DNAAF9: variants seen among roughly 807,000 people sequenced by gnomAD.
DNAAF9 encodes the protein shulin.
In DNAAF9, 90 loss-of-function variants were observed where a neutral mutation model predicts 167.0. The ratio of observed to expected loss-of-function variants is 0.54; its 90% CI spans 0.45 to 0.64. DNAAF9 has a LOEUF of 0.64. DNAAF9 is among the 30% of genes least tolerant of loss of function. The pLI is 0.00. For missense variants in DNAAF9, 1,315 were observed against 1,442.2 expected, an observed-to-expected ratio of 0.91 and a Z score of 1.43; for synonymous variants, 491 against 508.8, an observed-to-expected ratio of 0.96 and a Z score of 0.47.
At chr20:3,353,108 GAT>G (rs10687919) in intron 7 of DNAAF9, among the ~76,000 whole-genome samples, 1 of 148,134 alleles carries the variant, frequency 6.8e-6, no homozygotes, top group East Asian at 2.0e-4. Flanking sequence ...AATATATACA[GAT>G]ATATATAACA....
chr20:3,268,808 G>A (rs866588571), intron 30 of DNAAF9, among the ~76,000 whole-genome samples: 2 of 151,112 alleles, frequency 1.3e-5, no homozygotes, highest in Non-Finnish European at 2.9e-5. Flanking sequence ...TCGTATATGT[G>A]TGTACACAAA....
At position 3,393,787 on chromosome 20, in the gene DNAAF9, C is replaced by T. The variant is rs528394170; in HGVS notation, c.84-11281G>A. ...GTGTTGCCAAATTGTTCTTTTAAAC[C>T]GTTTACCTATAATATGCCAGAGTAC... On this transcript the variant is annotated intron_variant, in intron 1 of 36. Transcript: ENST00000252032. Among the ~76,000 whole-genome samples the T allele has an allele frequency of 2.6e-4, 40 of 152,220 alleles. 1 individual carries two copies. The highest frequency in any genetic ancestry group is 8.4e-4 in the African/African-American group (35 of 41,534).
At chr20:3,300,682 AAT>A (rs1206290012) in intron 21 of DNAAF9, among the ~76,000 whole-genome samples, 6 of 23,790 alleles carry the variant, frequency 2.5e-4, no homozygotes, top group Non-Finnish European at 5.4e-4. Context: ...CCATCTAAAT[AAT>A]AATAATAATA....
rs779184374 is a variant in DNAAF9 at position 3,256,162 on chromosome 20, C to A, written c.3105G>T (p.Leu1035Phe). The change falls in exon 34 of 37, where the codon TTG becomes TTT. Residue 1035 changes from leucine (L) to phenylalanine (F), a missense_variant. By Grantham distance (22) the Leu-to-Phe change is conservative (BLOSUM62 0). Transcript: ENST00000252032. ...EVCYNTLANS[L>F]SIMPVLEGPT... ...GTCCTTCCAAAACTGGCATGATGCT[C>A]AAGGAGTTGGCCAGTGTGTTGTAGC... 2 of 1,614,140 alleles carry A rather than the reference C, an allele frequency of 1.2e-6. No individual in the cohort carries two copies. The highest frequency in any genetic ancestry group is 3.3e-5 in the Admixed American group (2 of 60,012).
chr20:3,275,363 C>G (rs1315905091), intron 29 of DNAAF9, among the ~76,000 whole-genome samples: 1 of 152,232 alleles, frequency 6.6e-6, no homozygotes, highest in Non-Finnish European at 1.5e-5. Context: ...AAGTGTCAGA[C>G]TAGTGCAAAT....
chr20:3,313,809 G>C (rs2069454893), intron 20 of DNAAF9, among the ~76,000 whole-genome samples: 1 of 152,164 alleles, frequency 6.6e-6, no homozygotes. Context: ...ACTGAAAAAG[G>C]AAGGATGACA....
Position 3,338,966 on chromosome 20 carries a change from A to AT in DNAAF9, c.981+1537dup, listed in dbSNP as rs375570874. ...ACTGTGCCCGGCTGGTTCTTGGATG[A>AT]TTTTTTTTTTCTCTCATTGTTTTCT... is the stretch of plus-strand genomic sequence containing the variant. On this transcript the variant is annotated intron_variant, in intron 10 of 36. Transcript: ENST00000252032. Among the ~76,000 whole-genome samples the AT allele has an allele frequency of 9.3e-3, 1,376 of 148,418 alleles. 19 individuals carry two copies. Among genetic ancestry groups the AT allele is most frequent in the African/African-American group, 0.032 (1,311 of 40,442 alleles).
Position 3,395,432 on chromosome 20 carries a change from C to A in DNAAF9, c.83+12043G>T, listed in dbSNP as rs1037596565. ...AGTAGCTGTGATTACAGATGTGCGC[C>A]ACTATGCCCAGCTGATTTTTGTATT... On this transcript the variant is annotated intron_variant, in intron 1 of 36. Coordinates refer to ENST00000252032, the MANE Select transcript of DNAAF9 (RefSeq NM_001009984.3). Among the ~76,000 whole-genome samples, 16 of 152,180 alleles carry A rather than the reference C, an allele frequency of 1.1e-4. 1 individual carries two copies. Among genetic ancestry groups the A allele is most frequent in the African/African-American group, 3.6e-4 (15 of 41,520 alleles).
Position 3,322,068 on chromosome 20 carries a change from C to G in DNAAF9, c.1356+149G>C, listed in dbSNP as rs150199962. On this transcript the variant is annotated intron_variant, in intron 16 of 36. Coordinates refer to ENST00000252032, the MANE Select transcript of DNAAF9 (RefSeq NM_001009984.3). ...TACCTTCAGTAAACACAGGCTCACCCCTGCTATGGCTGGGATAGGACTGAG... is the reference window on the plus strand; with the variant it reads ...TACCTTCAGTAAACACAGGCTCACCGCTGCTATGGCTGGGATAGGACTGAG... 12 of 633,982 alleles carry G rather than the reference C, an allele frequency of 1.9e-5. No individual in the cohort carries two copies. The African/African-American group carries it at 2.0e-4, about 11-fold the overall frequency. The allele number at this position is 633,982 out of a possible 1,614,324, so 39.3% of individuals were successfully genotyped here.
intron 5 of DNAAF9, among the ~76,000 whole-genome samples, chr20:3,374,427 T>TA (rs1180426214): frequency 4.6e-5 from 7 of 152,180 alleles, no homozygotes; most frequent in Admixed American, 3.3e-4. Context: ...AAGTAAAAAA[T>TA]AAGAGTAGTC....
chr20:3,257,474 T>C (rs2068301090), intron 33 of DNAAF9, among the ~76,000 whole-genome samples: 1 of 152,140 alleles, frequency 6.6e-6, no homozygotes, highest in African/African-American at 2.4e-5. Flanking sequence ...ATCAAACCAC[T>C]ATACTCTGGA....
At chr20:3,343,808 T>C (rs2070133848) in intron 8 of DNAAF9, 77 bp from the exon 9 acceptor site, 1 of 1,057,768 alleles carries the variant, frequency 9.5e-7, no homozygotes. Flanking sequence ...CATATGTATG[T>C]ATGTACACAC....
intron 10 of DNAAF9, among the ~76,000 whole-genome samples, chr20:3,334,587 C>CTTA (rs2069901679): frequency 1.3e-5 from 2 of 152,168 alleles, no homozygotes; most frequent in African/African-American, 4.8e-5. Flanking sequence ...ATTGCTGGAT[C>CTTA]TTATGGTAAG....
chr20:3,310,006 G>A (rs1257563600), intron 20 of DNAAF9, among the ~76,000 whole-genome samples: 2 of 151,956 alleles, frequency 1.3e-5, no homozygotes, highest in Non-Finnish European at 1.5e-5. Context: ...CAGCCTGACC[G>A]ACATAGAGAA....
chr20:3,327,647 T>C (rs1006464774), intron 12 of DNAAF9, among the ~76,000 whole-genome samples: 74 of 152,152 alleles, frequency 4.9e-4, no homozygotes, highest in Non-Finnish European at 6.6e-4. Context: ...TTTGGTCTAA[T>C]CCTCTCATCT....
chr20:3,322,217 C>G lies in DNAAF9; in HGVS notation c.1356G>C (p.Thr452=), dbSNP rs754574484. 6.2e-7 allele frequency: 1 copy of G among 1,607,476 alleles called. No individual in the cohort carries two copies. ...GCTGACCCATGATAGCTCTGCTTAC[C>G]GTCTTCACAAAGGATAAGCTATCTT... is the stretch of plus-strand genomic sequence containing the variant. ...DSEDSLSFVK[T]ACMAVYDIPD... is the part of the protein sequence containing the mutation. The change falls in exon 16 of 37, where the codon ACG becomes ACC. Residue 452 remains threonine, a splice_region_variant and synonymous_variant. Coordinates refer to ENST00000252032, the MANE Select transcript of DNAAF9 (RefSeq NM_001009984.3).
In DNAAF9 at chr20:3,291,836, C is replaced by T. The variant is rs558636989; in HGVS notation, c.2239-1619G>A. 2.5e-4 allele frequency among the ~76,000 whole-genome samples: 38 copies of T among 152,172 alleles called. No individual in the cohort carries two copies. In the South Asian group the frequency reaches 7.3e-3, roughly 29 times the overall value. ...TTCCCTCTGACCAGGGCCTCTACAC[C>T]GTACCCCTTTCTACCCCTCAGGCAG... On this transcript the variant is annotated intron_variant, in intron 25 of 36. Coordinates refer to ENST00000252032, the MANE Select transcript of DNAAF9 (RefSeq NM_001009984.3).
intron 1 of DNAAF9, among the ~76,000 whole-genome samples, chr20:3,384,676 A>T (rs112101253): frequency 0.043 from 6,553 of 151,716 alleles, 202 homozygotes; most frequent in African/African-American, 0.089. Flanking sequence ...ACCTGGGAAA[A>T]TTTTTTTTAA....
At position 3,256,007 on chromosome 20, in the gene DNAAF9, T is replaced by C. The variant is rs368662720; in HGVS notation, c.3260A>G (p.Gln1087Arg). Residue 1087 changes from glutamine (Q) to arginine (R), a missense_variant and splice_region_variant, in exon 34 of 37, where the codon CAG (glutamine) becomes CGG (arginine). Gln to Arg is a conservative substitution (Grantham distance 43). This residue lies in a region of DNAAF9 where 334 missense variants were observed against 429.7 expected (regional missense o/e 0.78). Coordinates refer to ENST00000252032, the MANE Select transcript of DNAAF9 (RefSeq NM_001009984.3). Reference sequence around the variant, plus strand: ...GTCTGTCTGGGCTCTGGAAACCACCTGCTTAGCTGACTGCCGCAGCCAGTC... The same window carrying C: ...GTCTGTCTGGGCTCTGGAAACCACCCGCTTAGCTGACTGCCGCAGCCAGTC... The part of the protein sequence containing the change: ...IKDWLRQSAK[Q>R]KPQRKALKTR... The C allele has an allele frequency of 3.1e-6, 5 of 1,612,016 alleles. No individual in the cohort carries two copies. The highest frequency in any genetic ancestry group is 4.2e-6 in the Non-Finnish European group (5 of 1,179,416).
Sources: allele counts gnomAD v4.1 joint callset (sites outside exome capture counted in the v4.1 genomes callset), GRCh38; gene constraint gnomAD v4.1.1; regional missense constraint gnomAD v4.1.1; transcripts MANE v1.5; gene names NCBI Gene and HGNC (gene_info 2026-07-23, HGNC 2026-07-21).